The following ATP8B1 variants were observed in gnomAD, a reference collection of about 807,000 sequenced individuals.
ATP8B1 encodes ATPase phospholipid transporting 8B1, also known as phospholipid-transporting ATPase IC.
Under a neutral mutation model 149.9 loss-of-function variants are expected in ATP8B1, and 80 were observed. The ratio of observed to expected loss-of-function variants is 0.53; its 90% CI spans 0.45 to 0.64. The LOEUF is 0.64. ATP8B1 is among the 30% of genes least tolerant of loss of function. The probability of loss-of-function intolerance (pLI) is 0.00; values close to 1 mark genes in which losing one functional copy is unlikely to be tolerated. For synonymous variants in ATP8B1, 536 were observed against 562.8 expected (o/e 0.95, Z 0.67); for missense variants, 1,247 against 1,552.6 (o/e 0.80, Z 3.31).
chr18:57,731,877 G>C (rs2079769439), intron 1 of ATP8B1, 45 bp from the exon 2 acceptor site: 1 of 1,577,748 alleles, frequency 6.3e-7, no homozygotes, highest in Admixed American at 1.7e-5. Context: ...CTCTTGCCCA[G>C]TTTTTGGTTG....
At chr18:57,710,886 C>T (rs1447989138) in intron 2 of ATP8B1, among the ~76,000 whole-genome samples, 3 of 152,274 alleles carry the variant, frequency 2.0e-5, no homozygotes, top group South Asian at 4.1e-4. Context: ...CTGCCCACCT[C>T]GGCCTCCCAA....
At chr18:57,713,076 G>C (rs2123016505) in intron 2 of ATP8B1, among the ~76,000 whole-genome samples, 1 of 152,052 alleles carries the variant, frequency 6.6e-6, no homozygotes, top group African/African-American at 2.4e-5. Context: ...TCCCAGCTGT[G>C]GTGGCCATGG....
chr18:57,678,049 A>G (rs1039216390), intron 15 of ATP8B1, among the ~76,000 whole-genome samples: 1 of 152,186 alleles, frequency 6.6e-6, no homozygotes, highest in African/African-American at 2.4e-5. Context: ...CCAAATTCCA[A>G]CCTTATGACT....
intron 22 of ATP8B1, among the ~76,000 whole-genome samples, chr18:57,660,092 G>A (rs894735539): frequency 6.6e-6 from 1 of 152,166 alleles, no homozygotes; most frequent in Non-Finnish European, 1.5e-5. Context: ...ATTAGTTTGA[G>A]TATTTTTAAT....
intron 1 of ATP8B1, among the ~76,000 whole-genome samples, chr18:57,749,757 C>T (rs1372722328): frequency 6.6e-6 from 1 of 152,228 alleles, no homozygotes; most frequent in Non-Finnish European, 1.5e-5. Flanking sequence ...CACCCCATCT[C>T]CACTCTTGTG....
chr18:57,739,537 T>C (rs1302309746), intron 1 of ATP8B1, among the ~76,000 whole-genome samples: 3 of 152,224 alleles, frequency 2.0e-5, no homozygotes, highest in Non-Finnish European at 4.4e-5. Flanking sequence ...TACTACACAG[T>C]TGACACTGAA....
intron 2 of ATP8B1, among the ~76,000 whole-genome samples, chr18:57,708,136 C>T (rs762847639): frequency 2.1e-4 from 26 of 124,270 alleles, no homozygotes; most frequent in Middle Eastern, 6.0e-3. Flanking sequence ...CCAGCCTGGG[C>T]GACAGACGGA....
intron 1 of ATP8B1, among the ~76,000 whole-genome samples, chr18:57,747,621 C>T (rs543255401): frequency 5.1e-4 from 77 of 152,238 alleles, no homozygotes; most frequent in African/African-American, 1.8e-3. Flanking sequence ...TATATGTAAA[C>T]ATGTTCCAAA....
At chr18:57,683,880 A>G (rs187109461) in intron 15 of ATP8B1, among the ~76,000 whole-genome samples, 156 bp downstream of exon 15, 1 of 152,372 alleles carries the variant, frequency 6.6e-6, no homozygotes, top group Admixed American at 6.5e-5. Context: ...TTGCTCTTCC[A>G]TAAACCATCT....
chr18:57,689,023 C>A lies in ATP8B1; in HGVS notation c.1221-516G>T, dbSNP rs368522485. 8.5e-5 allele frequency among the ~76,000 whole-genome samples: 13 copies of A among 152,356 alleles called. No individual in the cohort carries two copies. In the East Asian group the frequency reaches 2.5e-3, roughly 29 times the overall value. On this transcript the variant is annotated intron_variant, in intron 12 of 27. Coordinates refer to ENST00000648908, the MANE Select transcript of ATP8B1 (RefSeq NM_001374385.1). The stretch of plus-strand genomic sequence containing the variant: ...AACCACATGCATCATTCTCAGGCTT[C>A]AGGGTCAAGCTGATTTTAGACAAGT...
In ATP8B1 at chr18:57,731,755, T is replaced by A; in HGVS notation, c.53A>T (p.Asn18Ile). The A allele has an allele frequency of 6.2e-7, 1 of 1,614,126 alleles. No individual in the cohort carries two copies. The highest frequency in any genetic ancestry group is 8.5e-7 in the Non-Finnish European group (1 of 1,180,008). Residue 18 changes from asparagine (N) to isoleucine (I), a missense_variant, in exon 2 of 28, where the codon AAT (asparagine) becomes ATT (isoleucine). By Grantham distance (149) the Asn-to-Ile change is moderately radical. Around this residue, in one of 3 missense-constraint regions of ATP8B1, gnomAD observed 853 missense variants for 1,035.7 expected, o/e 0.82. Transcript: ENST00000648908. ...ATCACTGTAGGGAACCACTTCGTCATTAGGCTGAGAATCCTCGTCAAATGT... is the reference window on the plus strand; with the variant it reads ...ATCACTGTAGGGAACCACTTCGTCAATAGGCTGAGAATCCTCGTCAAATGT... ...ETTFDEDSQPNDEVVPYSDDE... is the reference protein window; with the variant it reads ...ETTFDEDSQPIDEVVPYSDDE...
intron 15 of ATP8B1, among the ~76,000 whole-genome samples, chr18:57,682,299 C>T (rs932782552): frequency 1.3e-5 from 2 of 152,168 alleles, no homozygotes; most frequent in African/African-American, 4.8e-5. Flanking sequence ...CCACCGCGCC[C>T]AGCCCTGCTG....
At chr18:57,668,224 G>A (rs1297511330) in intron 19 of ATP8B1, 13 of 1,437,560 alleles carry the variant, frequency 9.0e-6, no homozygotes, top group South Asian at 6.4e-5. Flanking sequence ...TTATAAGGAA[G>A]AAACTGCTAC....
At chr18:57,709,967 A>C (rs946799156) in intron 2 of ATP8B1, among the ~76,000 whole-genome samples, 1 of 150,292 alleles carries the variant, frequency 6.7e-6, no homozygotes, top group Admixed American at 6.6e-5. Flanking sequence ...GGCTTGAGTC[A>C]CCATGCCTGG....
chr18:57,766,875 G>A (rs1285317714), intron 1 of ATP8B1, among the ~76,000 whole-genome samples: 1 of 152,192 alleles, frequency 6.6e-6, no homozygotes, highest in East Asian at 1.9e-4. Context: ...TAGAGGAGGT[G>A]TTGCAGAAAT....
At position 57,662,520 on chromosome 18, in the gene ATP8B1, C is replaced by G; in HGVS notation, c.2381G>C (p.Gly794Ala). Residue 794 changes from glycine to alanine, a missense_variant, in exon 21 of 28, where the codon GGT (glycine) becomes GCT (alanine). Coordinates refer to ENST00000648908, the MANE Select transcript of ATP8B1 (RefSeq NM_001374385.1). ...PPVQESFFPPGGNRALIITGS... is the reference protein window; with the variant it reads ...PPVQESFFPPAGNRALIITGS... ...AGTGATGATTAAGGCACGGTTTCCA[C>G]CGGGTGGAAAAAAAGATTCCTGCAC... The G allele has an allele frequency of 6.2e-7, 1 of 1,614,130 alleles. No individual in the cohort carries two copies. The highest frequency in any genetic ancestry group is 8.5e-7 in the Non-Finnish European group (1 of 1,180,014).
intron 1 of ATP8B1, among the ~76,000 whole-genome samples, chr18:57,761,305 A>G (rs149790162): frequency 6.6e-6 from 1 of 152,114 alleles, no homozygotes; most frequent in East Asian, 1.9e-4. Context: ...ATTCAAATGC[A>G]GTGGCCTCTC....
intron 1 of ATP8B1, chr18:57,737,887 CCA>C (rs1418176944): frequency 6.6e-6 from 1 of 152,506 alleles, no homozygotes; most frequent in South Asian, 2.1e-4. Flanking sequence ...AACCAACTCG[CCA>C]CCCACACAAT....
At chr18:57,791,011 C>T (rs1179070874) in intron 1 of ATP8B1, among the ~76,000 whole-genome samples, 1 of 152,160 alleles carries the variant, frequency 6.6e-6, no homozygotes, top group African/African-American at 2.4e-5. Context: ...CATGAGCCAC[C>T]GCGTCCGGCC....
Sources: gnomAD v4.1 joint callset for allele counts (sites outside exome capture counted in the v4.1 genomes callset) on GRCh38, gnomAD v4.1.1 for gene constraint, gnomAD v4.1.1 regional missense constraint, MANE v1.5 for transcripts, NCBI Gene and HGNC (gene_info 2026-07-23, HGNC 2026-07-21) for gene names.